The following KLHL22 variants were observed in gnomAD, a reference collection of about 807,000 sequenced individuals.
KLHL22 encodes kelch-like protein 22.
KLHL22 carries 18 observed loss-of-function variants against 60.7 expected under a neutral mutation model. The observed-to-expected ratio is 0.30, with a 90% CI of 0.20 to 0.44. The LOEUF (loss-of-function observed/expected upper bound fraction) is 0.44. Ranked by LOEUF, KLHL22 falls within the 20% of genes least tolerant of loss-of-function variation. The pLI is 1.00. For synonymous variants in KLHL22, 355 were observed against 354.5 expected (o/e 1.00, Z -0.01); for missense variants, 596 against 852.3 (o/e 0.70, Z 3.74).
chr22:20,450,251 T>C (rs759649323), intron 5 of KLHL22: 2 of 900,724 alleles, frequency 2.2e-6, no homozygotes, highest in African/African-American at 1.6e-5. Context: ...AGAAAGACTT[T>C]CCTGCCCATG....
At chr22:20,442,528 T>C (rs2052778216) in intron 6 of KLHL22, 90 bp from the exon 7 acceptor site, 1 of 1,442,166 alleles carries the variant, frequency 6.9e-7, no homozygotes, top group Non-Finnish European at 9.2e-7. Flanking sequence ...GTGGCAACAG[T>C]TACCCACCAT....
chr22:20,456,924 C>T (rs1275515052), intron 5 of KLHL22, among the ~76,000 whole-genome samples: 1 of 152,230 alleles, frequency 6.6e-6, no homozygotes, highest in Admixed American at 6.5e-5. Context: ...ACCTGCCCCC[C>T]ATACCATCCT....
intron 3 of KLHL22, among the ~76,000 whole-genome samples, chr22:20,466,884 G>T (rs1009003704): frequency 1.3e-5 from 2 of 152,178 alleles, no homozygotes; most frequent in Non-Finnish European, 2.9e-5. Context: ...AGCACTAGTG[G>T]TTTGAAAGGA....
chr22:20,470,948 TGGCCCAGTGAGGGGACAGGCAGGAAG>T lies in KLHL22; in HGVS notation c.393+376_393+401del, dbSNP rs1199471881. 5.9e-5 allele frequency among the ~76,000 whole-genome samples: 9 copies of T among 152,330 alleles called. No homozygotes were observed. In the East Asian group the frequency reaches 1.5e-3, roughly 26 times the overall value. On this transcript the variant is annotated intron_variant, in intron 3 of 6. Coordinates refer to ENST00000328879, the MANE Select transcript of KLHL22 (RefSeq NM_032775.4). Reference sequence around the variant, plus strand: ...CACATAAGTTTTCAAGAGACTGAAGTGGCCCAGTGAGGGGACAGGCAGGAAGGGCCCTGGCAGCAATGCTGGTGGAT... The same window carrying T: ...CACATAAGTTTTCAAGAGACTGAAGTGGCCCTGGCAGCAATGCTGGTGGAT...
At chr22:20,461,416 G>A (rs1483230324) in intron 4 of KLHL22, among the ~76,000 whole-genome samples, 3 of 151,918 alleles carry the variant, frequency 2.0e-5, no homozygotes, top group Non-Finnish European at 4.4e-5. Context: ...AGCCAGGCGT[G>A]GTGGTGGGCG....
intron 5 of KLHL22, among the ~76,000 whole-genome samples, chr22:20,452,012 TG>T (rs1262667601): frequency 1.3e-5 from 2 of 152,016 alleles, no homozygotes; most frequent in East Asian, 3.9e-4. Context: ...CTGAGAAGGG[TG>T]GGTAACAGAT....
chr22:20,444,686 C>T (rs559481493), intron 6 of KLHL22, among the ~76,000 whole-genome samples: 4 of 152,328 alleles, frequency 2.6e-5, no homozygotes, highest in African/African-American at 7.2e-5. Context: ...AAAACTTAGA[C>T]ACAAGAGGGG....
At chr22:20,485,625 T>C (rs1970990) in intron 2 of KLHL22, among the ~76,000 whole-genome samples, 9,910 of 152,284 alleles carry the variant, frequency 0.065, 836 homozygotes, top group East Asian at 0.47. Context: ...CCGAACACTT[T>C]GGGAGGCCAA....
chr22:20,479,072 T>G (rs1473080930), intron 2 of KLHL22, among the ~76,000 whole-genome samples: 1 of 151,096 alleles, frequency 6.6e-6, no homozygotes, highest in African/African-American at 2.4e-5. Flanking sequence ...GAGGTTGCAG[T>G]GAGCCGAGAT....
intron 2 of KLHL22, chr22:20,482,887 CT>C: frequency 1.7e-6 from 2 of 1,198,412 alleles, no homozygotes; most frequent in Non-Finnish European, 2.4e-6. Context: ...AGGTGGTGGT[CT>C]TTTGGATGGT....
intron 2 of KLHL22, among the ~76,000 whole-genome samples, chr22:20,475,558 CCTCT>C (rs1306797302): frequency 2.6e-5 from 4 of 151,896 alleles, no homozygotes; most frequent in South Asian, 2.1e-4. Context: ...TTCCCTCCTT[CCTCT>C]AATTTTTTTT....
At chr22:20,469,494 A>G (rs2053281233) in intron 3 of KLHL22, among the ~76,000 whole-genome samples, 1 of 152,168 alleles carries the variant, frequency 6.6e-6, no homozygotes, top group African/African-American at 2.4e-5. Context: ...GCCAGGGTGG[A>G]GAATTGGATG....
intron 2 of KLHL22, among the ~76,000 whole-genome samples, chr22:20,478,205 ATT>A (rs68060846): frequency 6.9e-5 from 10 of 144,706 alleles, no homozygotes; most frequent in East Asian, 4.1e-4. Context: ...ACCAAATTTA[ATT>A]TTTTTTTTTT....
At chr22:20,486,881 A>C (rs974773530) in intron 2 of KLHL22, among the ~76,000 whole-genome samples, 2 of 150,770 alleles carry the variant, frequency 1.3e-5, no homozygotes, top group African/African-American at 4.9e-5. Flanking sequence ...GGGTATTGCC[A>C]TGTGGGTCAG....
At chr22:20,462,716 G>A (rs1389380423) in intron 4 of KLHL22, among the ~76,000 whole-genome samples, 2 of 152,044 alleles carry the variant, frequency 1.3e-5, no homozygotes, top group Non-Finnish European at 2.9e-5. Flanking sequence ...CTACTACTAG[G>A]TATACCATGT....
chr22:20,450,296 T>G (rs1569123254), intron 5 of KLHL22: 7 of 1,052,172 alleles, frequency 6.7e-6, no homozygotes, highest in South Asian at 3.8e-5. Context: ...ATTACTTCTG[T>G]GCCATGTTCA....
chr22:20,459,793 G>A (rs2053123438), intron 4 of KLHL22, among the ~76,000 whole-genome samples: 1 of 152,184 alleles, frequency 6.6e-6, no homozygotes, highest in Non-Finnish European at 1.5e-5. Flanking sequence ...CATCCAGAGG[G>A]AGCCTCAAGA....
chr22:20,443,683 G>A (rs559707461), intron 6 of KLHL22, among the ~76,000 whole-genome samples: 1 of 152,074 alleles, frequency 6.6e-6, no homozygotes, highest in Admixed American at 6.5e-5. Flanking sequence ...AGGGTGCAGT[G>A]AGCCAAGAGC....
At chr22:20,472,249 AG>A (rs1280023106) in intron 2 of KLHL22, among the ~76,000 whole-genome samples, 1 of 152,092 alleles carries the variant, frequency 6.6e-6, no homozygotes, top group Non-Finnish European at 1.5e-5. Context: ...TGTCTCAAAA[AG>A]CAAAACAAAA....
Sources: allele counts gnomAD v4.1 joint callset (sites outside exome capture counted in the v4.1 genomes callset), GRCh38; gene constraint gnomAD v4.1.1; transcripts MANE v1.5; gene names NCBI Gene and HGNC (gene_info 2026-07-23, HGNC 2026-07-21).